Variants in ST6GALNAC3 observed in about 807,000 individuals in gnomAD.
ST6GALNAC3 encodes the protein alpha-N-acetylgalactosaminide alpha-2,6-sialyltransferase 3.
Under a neutral mutation model 32.7 loss-of-function variants are expected in ST6GALNAC3, and 25 were observed. The observed-to-expected ratio is 0.76, with a 90% CI of 0.56 to 1.07. The LOEUF is 1.07. ST6GALNAC3 is among the 50% of genes least tolerant of loss of function. The probability of loss-of-function intolerance (pLI) is 0.00; values close to 1 mark genes in which losing one functional copy is unlikely to be tolerated. For synonymous variants in ST6GALNAC3, 129 were observed against 133.1 expected (o/e 0.97, Z 0.21); for missense variants, 355 against 382.4 (o/e 0.93, Z 0.60).
At chr1:76,351,740 A>G (rs966853267) in intron 2 of ST6GALNAC3, among the ~76,000 whole-genome samples, 28 of 152,166 alleles carry the variant, frequency 1.8e-4, no homozygotes, top group African/African-American at 6.0e-4. Context: ...TTCTATCCCA[A>G]CGTAATTATT....
At chr1:76,253,937 A>G (rs1388549922) in intron 1 of ST6GALNAC3, among the ~76,000 whole-genome samples, 1 of 152,116 alleles carries the variant, frequency 6.6e-6, no homozygotes, top group Non-Finnish European at 1.5e-5. Flanking sequence ...AGGATTCTCA[A>G]AGCTCCTCAA....
At chr1:76,179,279 C>T (rs913447228) in intron 1 of ST6GALNAC3, among the ~76,000 whole-genome samples, 30 of 152,154 alleles carry the variant, frequency 2.0e-4, no homozygotes, top group African/African-American at 7.2e-4. Flanking sequence ...TTTTTGCAAG[C>T]TTCTTTTCAG....
At chr1:76,507,384 A>G (rs543687317) in intron 3 of ST6GALNAC3, among the ~76,000 whole-genome samples, 1 of 152,304 alleles carries the variant, frequency 6.6e-6, no homozygotes, top group South Asian at 2.1e-4. Flanking sequence ...AATCAATTTT[A>G]GGACACTTTC....
intron 1 of ST6GALNAC3, among the ~76,000 whole-genome samples, chr1:76,219,808 T>C (rs1450624463): frequency 6.6e-6 from 1 of 152,178 alleles, no homozygotes; most frequent in East Asian, 1.9e-4. Context: ...AATCTTGGTG[T>C]CCTTTAACGC....
At chr1:76,539,821 T>A (rs4636520) in intron 3 of ST6GALNAC3, among the ~76,000 whole-genome samples, 1 of 151,940 alleles carries the variant, frequency 6.6e-6, no homozygotes, top group Non-Finnish European at 1.5e-5. Flanking sequence ...ATCTCACATC[T>A]GTCAGAATGG....
At chr1:76,175,263 A>G (rs1321483752) in intron 1 of ST6GALNAC3, among the ~76,000 whole-genome samples, 2 of 152,152 alleles carry the variant, frequency 1.3e-5, no homozygotes, top group African/African-American at 2.4e-5. Context: ...ATCCGCTTAC[A>G]CTGCCTCCAG....
At chr1:76,148,380 G>A (rs1378432342) in intron 1 of ST6GALNAC3, among the ~76,000 whole-genome samples, 4 of 152,174 alleles carry the variant, frequency 2.6e-5, no homozygotes, top group South Asian at 4.1e-4. Flanking sequence ...GGTTTCCGGG[G>A]CTATATTTTC....
intron 3 of ST6GALNAC3, among the ~76,000 whole-genome samples, chr1:76,428,194 C>CA (rs1176865459): frequency 6.6e-6 from 1 of 152,032 alleles, no homozygotes; most frequent in East Asian, 1.9e-4. Context: ...GGTTCATCAG[C>CA]ATCTTACTTC....
At chr1:76,160,418 G>A (rs144708955) in intron 1 of ST6GALNAC3, among the ~76,000 whole-genome samples, 177 of 152,272 alleles carry the variant, frequency 1.2e-3, no homozygotes, top group Non-Finnish European at 2.2e-3. Flanking sequence ...GGAAGGCCTC[G>A]CAATAGTCTA....
At chr1:76,581,588 C>T (rs1251515292) in intron 3 of ST6GALNAC3, among the ~76,000 whole-genome samples, 1 of 152,154 alleles carries the variant, frequency 6.6e-6, no homozygotes, top group Admixed American at 6.6e-5. Context: ...ACTGTACTCA[C>T]TCCAAAGTAA....
chr1:76,258,809 C>T (rs1050188688), intron 1 of ST6GALNAC3, among the ~76,000 whole-genome samples: 1 of 152,116 alleles, frequency 6.6e-6, no homozygotes, highest in African/African-American at 2.4e-5. Flanking sequence ...CCACATACTA[C>T]ATACAGAATG....
chr1:76,230,276 C>T (rs570972574), intron 1 of ST6GALNAC3, among the ~76,000 whole-genome samples: 1 of 152,064 alleles, frequency 6.6e-6, no homozygotes, highest in Non-Finnish European at 1.5e-5. Flanking sequence ...GCATATCACA[C>T]CTTATTTTGT....
intron 1 of ST6GALNAC3, among the ~76,000 whole-genome samples, chr1:76,309,054 G>A (rs1646699519): frequency 1.3e-5 from 2 of 152,094 alleles, no homozygotes; most frequent in African/African-American, 2.4e-5. Flanking sequence ...CGAGGCCGCC[G>A]CGGTCCTCAG....
At chr1:76,369,716 A>G (rs1307513609) in intron 2 of ST6GALNAC3, among the ~76,000 whole-genome samples, 6 of 152,146 alleles carry the variant, frequency 3.9e-5, no homozygotes, top group Non-Finnish European at 5.9e-5. Flanking sequence ...AGAAACTAGG[A>G]AAAAAGGAGG....
intron 1 of ST6GALNAC3, among the ~76,000 whole-genome samples, chr1:76,166,457 G>A (rs1344234298): frequency 1.3e-5 from 2 of 152,054 alleles, no homozygotes; most frequent in African/African-American, 4.8e-5. Context: ...TGTTCATTTT[G>A]CTTAAGATTG....
At chr1:76,549,273 G>A (rs930840195) in intron 3 of ST6GALNAC3, among the ~76,000 whole-genome samples, 1 of 151,948 alleles carries the variant, frequency 6.6e-6, no homozygotes, top group Non-Finnish European at 1.5e-5. Context: ...ATGTCCCCGT[G>A]TCCCTTCCCT....
intron 3 of ST6GALNAC3, among the ~76,000 whole-genome samples, chr1:76,415,668 A>G (rs979892298): frequency 6.6e-6 from 1 of 151,968 alleles, no homozygotes; most frequent in Non-Finnish European, 1.5e-5. Flanking sequence ...GTATTATGGA[A>G]TGTTTCAGGC....
chr1:76,547,856 T>C (rs1308312700), intron 3 of ST6GALNAC3, among the ~76,000 whole-genome samples: 2 of 100,224 alleles, frequency 2.0e-5, no homozygotes, highest in African/African-American at 6.7e-5. Flanking sequence ...TGCGAGATTC[T>C]GTCTCAAAAA....
intron 3 of ST6GALNAC3, among the ~76,000 whole-genome samples, chr1:76,581,152 T>A (rs1202720112): frequency 6.6e-6 from 1 of 152,130 alleles, no homozygotes; most frequent in Non-Finnish European, 1.5e-5. Flanking sequence ...GTTTTTTAAT[T>A]ACCTCACGGC....
Sources: gnomAD v4.1 joint callset for allele counts (sites outside exome capture counted in the v4.1 genomes callset) on GRCh38, gnomAD v4.1.1 for gene constraint, MANE v1.5 for transcripts, NCBI Gene and HGNC (gene_info 2026-07-23, HGNC 2026-07-21) for gene names.